KIF1B: variants seen among roughly 807,000 people sequenced by gnomAD.
KIF1B encodes the protein kinesin family member 1B.
A neutral mutation model predicts 241.9 loss-of-function variants in KIF1B; 76 were observed. The observed-to-expected ratio is 0.31, with a 90% CI of 0.26 to 0.38. The LOEUF (loss-of-function observed/expected upper bound fraction) is 0.38. Among genes scored for constraint, KIF1B ranks in the 10% least tolerant of loss-of-function variants. The pLI is 1.00. For missense variants in KIF1B, 1,622 were observed against 2,271.4 expected (o/e 0.71, Z 5.81); for synonymous variants, 750 against 796.7 (o/e 0.94, Z 0.99).
chr1:10,272,332 G>C lies in KIF1B; in HGVS notation c.864+26G>C, dbSNP rs759494694. 1.1e-5 allele frequency: 16 copies of C among 1,433,022 alleles called. No individual in the cohort carries two copies. In the East Asian group the frequency reaches 3.4e-4, roughly 30 times the overall value. 88.8% of individuals were successfully genotyped at this position (1,433,022 alleles called of 1,614,324 possible). On this transcript the variant is annotated intron_variant, in intron 9 of 48. Transcript: ENST00000676179. The stretch of plus-strand genomic sequence containing the variant: ...GTAAGTTTTATACTTCATTATAAGG[G>C]GAGTTGTGTCTGTTCAGCAAATATA...
intron 2 of KIF1B, among the ~76,000 whole-genome samples, chr1:10,248,220 G>A (rs1044925799): frequency 6.6e-6 from 1 of 151,984 alleles, no homozygotes; most frequent in Admixed American, 6.6e-5. Flanking sequence ...TGTTGAGACA[G>A]GGTCTCGTTA....
chr1:10,339,917 A>C, intron 32 of KIF1B, 58 bp downstream of exon 32: 118 of 1,386,738 alleles, frequency 8.5e-5, no homozygotes, highest in Non-Finnish European at 1.1e-4. Flanking sequence ...TGGCTTTCTC[A>C]GCCCGGGAAG....
intron 15 of KIF1B, among the ~76,000 whole-genome samples, chr1:10,284,272 G>C (rs141031660): frequency 6.6e-6 from 1 of 152,148 alleles, no homozygotes; most frequent in African/African-American, 2.4e-5. Context: ...AAATAAGGCC[G>C]GGCACGGTAG....
chr1:10,351,263 C>T (rs917018895), intron 37 of KIF1B, among the ~76,000 whole-genome samples: 2 of 151,408 alleles, frequency 1.3e-5, no homozygotes, highest in African/African-American at 4.9e-5. Context: ...ACCCTAATAC[C>T]GAAACAGAAG....
chr1:10,287,299 C>T (rs1018240545), intron 15 of KIF1B, among the ~76,000 whole-genome samples: 2 of 152,104 alleles, frequency 1.3e-5, no homozygotes, highest in African/African-American at 2.4e-5. Flanking sequence ...CAGGTTCAAG[C>T]GAATCTCCTG....
Position 10,339,850 on chromosome 1 carries a change from T to C in KIF1B, c.3504T>C (p.His1168=). ...GAGGAAGTCCCCTGGCCTTTTATCATGTGCAGAATGTAAGTGACATGGACC... is the reference window on the plus strand; with the variant it reads ...GAGGAAGTCCCCTGGCCTTTTATCACGTGCAGAATGTAAGTGACATGGACC... ...NGRGSPLAFY[H]VQNIAVEITE... The change falls in exon 32 of 49, where the codon CAT becomes CAC. Residue 1168 remains histidine (H), a synonymous_variant. Coordinates refer to ENST00000676179, the MANE Select transcript of KIF1B (RefSeq NM_001365951.3). 1 of 1,613,762 alleles carries C rather than the reference T, an allele frequency of 6.2e-7. No individual in the cohort carries two copies. Among genetic ancestry groups the C allele is most frequent in the Non-Finnish European group, 8.5e-7 (1 of 1,179,666 alleles).
intron 22 of KIF1B, chr1:10,304,631 G>T (rs374591905): frequency 4.3e-6 from 7 of 1,613,890 alleles, no homozygotes. Flanking sequence ...AAAGCTGGTC[G>T]AGAAACCACA....
intron 24 of KIF1B, among the ~76,000 whole-genome samples, chr1:10,323,576 T>A (rs947414333): frequency 7.2e-5 from 11 of 152,150 alleles, no homozygotes; most frequent in African/African-American, 2.7e-4. Context: ...GCTCTGTGAT[T>A]GCATCACTGC....
intron 27 of KIF1B, among the ~76,000 whole-genome samples, chr1:10,329,326 G>C (rs1049133122): frequency 6.6e-6 from 1 of 152,176 alleles, no homozygotes; most frequent in African/African-American, 2.4e-5. Context: ...ACATCACCCA[G>C]TTGTGTAGTG....
At chr1:10,273,728 A>AAAC (rs1648940281) in intron 10 of KIF1B, among the ~76,000 whole-genome samples, 7 of 89,064 alleles carry the variant, frequency 7.9e-5, no homozygotes, top group African/African-American at 2.1e-4. Flanking sequence ...AAAAAAAAAA[A>AAAC]AAAAAAAAAA....
At chr1:10,304,605 C>G (rs762599113) in intron 22 of KIF1B, 2 of 1,614,072 alleles carry the variant, frequency 1.2e-6, no homozygotes, top group Non-Finnish European at 1.7e-6. Context: ...GGAGACAGTT[C>G]TCAGCACCCA....
chr1:10,302,841 G>A (rs985826566), intron 22 of KIF1B, among the ~76,000 whole-genome samples: 2 of 152,148 alleles, frequency 1.3e-5, no homozygotes, highest in Non-Finnish European at 2.9e-5. Context: ...ACCATAGGGT[G>A]ACATACTCAT....
intron 20 of KIF1B, 58 bp from the exon 21 acceptor site, chr1:10,296,839 A>G: frequency 6.7e-7 from 1 of 1,494,916 alleles, no homozygotes; most frequent in South Asian, 1.2e-5. Context: ...AGGTTGTTAA[A>G]TAGATACTAT....
intron 15 of KIF1B, among the ~76,000 whole-genome samples, chr1:10,285,080 A>G (rs899967595): frequency 6.6e-6 from 1 of 152,184 alleles, no homozygotes; most frequent in African/African-American, 2.4e-5. Context: ...CTCCATTCAC[A>G]CATTTTCTCA....
At chr1:10,348,427 AT>A (rs769183172) in intron 36 of KIF1B, among the ~76,000 whole-genome samples, 23 of 152,180 alleles carry the variant, frequency 1.5e-4, no homozygotes, top group Non-Finnish European at 2.1e-4. Context: ...GAGAAAAAGA[AT>A]TTTTTAAAAA....
At chr1:10,245,620 G>A (rs1300226351) in intron 2 of KIF1B, among the ~76,000 whole-genome samples, 2 of 152,174 alleles carry the variant, frequency 1.3e-5, no homozygotes, top group Admixed American at 6.5e-5. Flanking sequence ...GGTCTTAGAT[G>A]TTAAAGCTGC....
At chr1:10,355,652 A>G (rs79616662) in intron 38 of KIF1B, among the ~76,000 whole-genome samples, 102 of 152,176 alleles carry the variant, frequency 6.7e-4, no homozygotes, top group Non-Finnish European at 1.2e-3. Context: ...TTCCTCTTCT[A>G]CATTACAAAG....
intron 35 of KIF1B, among the ~76,000 whole-genome samples, 183 bp downstream of exon 35, chr1:10,346,136 C>T (rs1385261718): frequency 1.3e-5 from 2 of 152,058 alleles, no homozygotes; most frequent in Admixed American, 6.6e-5. Flanking sequence ...TTGGTCTTGA[C>T]CACTCCTGGC....
chr1:10,373,933 G>A (rs1638814386), intron 45 of KIF1B, among the ~76,000 whole-genome samples: 1 of 152,212 alleles, frequency 6.6e-6, no homozygotes, highest in African/African-American at 2.4e-5. Flanking sequence ...CCCAGGTGAA[G>A]CTGATGCTGC....
Sources: allele counts gnomAD v4.1 joint callset (sites outside exome capture counted in the v4.1 genomes callset), GRCh38; gene constraint gnomAD v4.1.1; transcripts MANE v1.5; gene names NCBI Gene and HGNC (gene_info 2026-07-23, HGNC 2026-07-21).